RAP1GDS1: variants seen among roughly 807,000 people sequenced by gnomAD.
RAP1GDS1 encodes the protein RAP1, GTP-GDP dissociation stimulator 1.
A neutral mutation model predicts 71.1 loss-of-function variants in RAP1GDS1; 35 were observed. The ratio of observed to expected loss-of-function variants is 0.49; its 90% CI spans 0.38 to 0.65. The LOEUF (loss-of-function observed/expected upper bound fraction) is 0.65, where lower values mean the gene tolerates loss of function less well. Ranked by LOEUF, RAP1GDS1 falls within the 30% of genes least tolerant of loss-of-function variation. RAP1GDS1 has a pLI of 0.00. For synonymous variants in RAP1GDS1, 229 were observed against 243.1 expected, an observed-to-expected ratio of 0.94 and a Z score of 0.54; for missense variants, 663 against 706.1, an observed-to-expected ratio of 0.94 and a Z score of 0.69.
intron 2 of RAP1GDS1, among the ~76,000 whole-genome samples, chr4:98,331,975 C>T (rs1734083921): frequency 6.6e-6 from 1 of 152,092 alleles, no homozygotes; most frequent in Non-Finnish European, 1.5e-5. Flanking sequence ...AATCTTAACC[C>T]TTACAAAGCT....
intron 2 of RAP1GDS1, among the ~76,000 whole-genome samples, chr4:98,338,793 T>C (rs1202605812): frequency 1.3e-5 from 2 of 152,232 alleles, no homozygotes; most frequent in African/African-American, 4.8e-5. Flanking sequence ...GAGTTTACTA[T>C]AAATTGGTCA....
chr4:98,360,723 A>G (rs918874173), intron 4 of RAP1GDS1, among the ~76,000 whole-genome samples: 1 of 152,146 alleles, frequency 6.6e-6, no homozygotes, highest in Non-Finnish European at 1.5e-5. Flanking sequence ...TGCTACAAGT[A>G]GGGTGCATTT....
intron 4 of RAP1GDS1, among the ~76,000 whole-genome samples, chr4:98,372,250 C>T (rs1201148261): frequency 6.6e-6 from 1 of 152,136 alleles, no homozygotes. Context: ...GCAACCTCCG[C>T]CTCCTAGGTT....
In RAP1GDS1 at chr4:98,443,015, A is replaced by ATTTTTTTTTCTTTTTTTTTTTTTTTTTT. The variant is rs543199019; in HGVS notation, c.*907_*908insCTTTTTTTTTTTTTTTTTTTTTTTTTTT. ...TGAGTATAGTTCATTGAAGAATGGAATTTTTTTTTTTTTTTTTTTTTTTGC... is the reference window on the plus strand; with the variant it reads ...TGAGTATAGTTCATTGAAGAATGGAATTTTTTTTTCTTTTTTTTTTTTTTTTTTTTTTTTTTTTTTTTTTTTTTTTTGC... On this transcript the variant is annotated 3_prime_UTR_variant, in exon 15 of 15. Coordinates refer to ENST00000408927, the MANE Select transcript of RAP1GDS1 (RefSeq NM_001100427.2). 7.0e-4 allele frequency: 97 copies of ATTTTTTTTTCTTTTTTTTTTTTTTTTTT among 138,310 alleles called. 3 individuals are homozygous for ATTTTTTTTTCTTTTTTTTTTTTTTTTTT. Among genetic ancestry groups the ATTTTTTTTTCTTTTTTTTTTTTTTTTTT allele is most frequent in the Admixed American group, 1.1e-3 (11 of 10,410 alleles). 8.6% of individuals were successfully genotyped at this position (138,310 alleles called of 1,614,324 possible).
chr4:98,287,674 C>T (rs1302859336), intron 1 of RAP1GDS1, among the ~76,000 whole-genome samples: 2 of 152,154 alleles, frequency 1.3e-5, no homozygotes, highest in African/African-American at 4.8e-5. Flanking sequence ...TAGTTTTTAG[C>T]TCTTTTGTTT....
intron 6 of RAP1GDS1, among the ~76,000 whole-genome samples, chr4:98,395,573 T>A (rs1049850771): frequency 6.6e-6 from 1 of 152,166 alleles, no homozygotes; most frequent in African/African-American, 2.4e-5. Flanking sequence ...TTTTCTCATT[T>A]GGGAAAAAAG....
Position 98,261,429 on chromosome 4 carries a change from T to C in RAP1GDS1, c.-137T>C, listed in dbSNP as rs1215644016. The C allele has an allele frequency of 2.8e-6, 2 of 702,208 alleles. No homozygotes were observed. The highest frequency in any genetic ancestry group is 2.0e-5 in the African/African-American group (1 of 49,556). The allele number at this position is 702,208 out of a possible 1,614,324, so 43.5% of individuals were successfully genotyped here. On this transcript the variant is annotated 5_prime_UTR_variant, in exon 1 of 15. Transcript: ENST00000408927. ...CGCCGCCTGCAGCAGCACCAGCTGC[T>C]CCTCCCCGGCGGCCGCCCCCCGCGG...
chr4:98,387,258 G>A (rs897232277), intron 5 of RAP1GDS1, among the ~76,000 whole-genome samples: 17 of 152,208 alleles, frequency 1.1e-4, no homozygotes, highest in Admixed American at 2.0e-4. Flanking sequence ...TAAGGCCTTA[G>A]GAATAAGGTA....
intron 2 of RAP1GDS1, 122 bp from the exon 3 acceptor site, chr4:98,343,017 G>A: frequency 9.8e-7 from 1 of 1,024,672 alleles, no homozygotes; most frequent in East Asian, 2.7e-5. Flanking sequence ...ATATTTGAAT[G>A]TATACCGAAA....
In RAP1GDS1 at chr4:98,442,166, C is replaced by T; in HGVS notation, c.*49C>T. 1 of 1,595,922 alleles carries T rather than the reference C, an allele frequency of 6.3e-7. No individual in the cohort carries two copies. The highest frequency in any genetic ancestry group is 8.5e-7 in the Non-Finnish European group (1 of 1,173,568). On this transcript the variant is annotated 3_prime_UTR_variant, in exon 15 of 15. Coordinates refer to ENST00000408927, the MANE Select transcript of RAP1GDS1 (RefSeq NM_001100427.2). ...TCCCATCTCTAATTTCCCCTCTGTC[C>T]TCCATCCAGCGGCTTCTTCCGCTTC...
chr4:98,390,965 C>G (rs935499645), intron 5 of RAP1GDS1, among the ~76,000 whole-genome samples: 1 of 151,886 alleles, frequency 6.6e-6, no homozygotes, highest in African/African-American at 2.4e-5. Context: ...AAATTATTAG[C>G]TTGAAAATGG....
At chr4:98,345,209 A>C (rs1736048893) in intron 3 of RAP1GDS1, among the ~76,000 whole-genome samples, 1 of 152,304 alleles carries the variant, frequency 6.6e-6, no homozygotes, top group Non-Finnish European at 1.5e-5. Flanking sequence ...GATTGGGCAT[A>C]TATTTCTTTT....
At chr4:98,338,466 T>C (rs1735009776) in intron 2 of RAP1GDS1, among the ~76,000 whole-genome samples, 1 of 152,152 alleles carries the variant, frequency 6.6e-6, no homozygotes, top group African/African-American at 2.4e-5. Flanking sequence ...GTCTCTTTGT[T>C]ACACCCTATT....
chr4:98,374,393 G>C (rs1350920085), intron 4 of RAP1GDS1, among the ~76,000 whole-genome samples: 3 of 151,932 alleles, frequency 2.0e-5, no homozygotes. Flanking sequence ...TCTATTCATG[G>C]ATATTATTCA....
chr4:98,358,890 CT>C (rs1055800202), intron 4 of RAP1GDS1, among the ~76,000 whole-genome samples: 34 of 144,998 alleles, frequency 2.3e-4, no homozygotes, highest in East Asian at 6.0e-4. Flanking sequence ...CCTTTCTGTG[CT>C]TTTTTTTTTT....
intron 2 of RAP1GDS1, among the ~76,000 whole-genome samples, chr4:98,297,625 A>G (rs1324348644): frequency 6.6e-6 from 1 of 152,124 alleles, no homozygotes; most frequent in Non-Finnish European, 1.5e-5. Context: ...TAATTGATAA[A>G]TATTGTGTCT....
intron 2 of RAP1GDS1, among the ~76,000 whole-genome samples, chr4:98,294,927 TTCG>T (rs1307992179): frequency 1.3e-5 from 2 of 152,072 alleles, no homozygotes; most frequent in Non-Finnish European, 2.9e-5. Flanking sequence ...TATTATAACC[TTCG>T]TCTGTTTTCA....
intron 5 of RAP1GDS1, 121 bp from the exon 6 acceptor site, chr4:98,391,831 A>T: frequency 1.1e-6 from 1 of 935,732 alleles, no homozygotes; most frequent in Non-Finnish European, 1.5e-6. Flanking sequence ...ATTTTCTATT[A>T]CTGTAATTTA....
chr4:98,432,273 T>A (rs933057797), intron 12 of RAP1GDS1, among the ~76,000 whole-genome samples: 2 of 152,224 alleles, frequency 1.3e-5, no homozygotes, highest in African/African-American at 4.8e-5. Flanking sequence ...ACTGGTCTTT[T>A]AAGTGTGATT....
Sources: gnomAD v4.1 joint callset for allele counts (sites outside exome capture counted in the v4.1 genomes callset) on GRCh38, gnomAD v4.1.1 for gene constraint, MANE v1.5 for transcripts, NCBI Gene and HGNC (gene_info 2026-07-23, HGNC 2026-07-21) for gene names.